The following IL20RA variants were observed in gnomAD, a reference collection of about 807,000 sequenced individuals.
IL20RA encodes interleukin 20 receptor subunit alpha.
IL20RA carries 29 observed loss-of-function variants against 36.5 expected under a neutral mutation model. The observed-to-expected ratio is 0.79, with a 90% CI of 0.59 to 1.08. IL20RA has a LOEUF of 1.08. IL20RA is among the 50% of genes least tolerant of loss of function. IL20RA has a pLI of 0.00. For missense variants in IL20RA, 652 were observed against 668.4 expected (o/e 0.98, Z 0.27); for synonymous variants, 279 against 267.1 (o/e 1.04, Z -0.43).
At position 137,000,566 on chromosome 6, in the gene IL20RA, C is replaced by T. The variant is rs554787187; in HGVS notation, c.*992G>A. The T allele has an allele frequency of 6.6e-6, 1 of 152,262 alleles. No individual in the cohort carries two copies. The highest frequency in any genetic ancestry group is 2.1e-4 in the South Asian group (1 of 4,820). The allele number at this position is 152,262 out of a possible 1,614,324, so 9.4% of individuals were successfully genotyped here. Reference sequence around the variant, plus strand: ...ATTTCATCAAATTTTAATAAACTCTCCCTTACATAGTCATTTAACTCATTT... The same window carrying T: ...ATTTCATCAAATTTTAATAAACTCTTCCTTACATAGTCATTTAACTCATTT... On this transcript the variant is annotated 3_prime_UTR_variant, in exon 7 of 7. Coordinates refer to ENST00000316649, the MANE Select transcript of IL20RA (RefSeq NM_014432.4).
intron 1 of IL20RA, among the ~76,000 whole-genome samples, chr6:137,027,212 A>G (rs1368610490): frequency 1.3e-5 from 2 of 152,172 alleles, no homozygotes; most frequent in East Asian, 1.9e-4. Context: ...AGCACTTACA[A>G]TATGATTCAG....
At chr6:137,017,573 A>T (rs1015443196) in intron 1 of IL20RA, among the ~76,000 whole-genome samples, 1 of 152,184 alleles carries the variant, frequency 6.6e-6, no homozygotes. Context: ...GTTTTAAACC[A>T]CTAAGTTTTG....
chr6:137,005,449 T>C (rs1165310654), intron 5 of IL20RA, among the ~76,000 whole-genome samples: 1 of 152,158 alleles, frequency 6.6e-6, no homozygotes, highest in Non-Finnish European at 1.5e-5. Flanking sequence ...GAAATCGTTT[T>C]AATAAAAGCA....
intron 1 of IL20RA, among the ~76,000 whole-genome samples, chr6:137,031,907 C>T (rs143748590): frequency 1.4e-3 from 207 of 151,306 alleles, no homozygotes; most frequent in Non-Finnish European, 2.6e-3. Context: ...AAAAATTAGT[C>T]GGTCGTGGCA....
chr6:137,008,982 A>G (rs1285135638), intron 4 of IL20RA: 5 of 526,930 alleles, frequency 9.5e-6, no homozygotes, highest in East Asian at 3.0e-5. Flanking sequence ...ACACATGGAT[A>G]GAGTTCTTAT....
chr6:137,022,471 T>C (rs1775938304), intron 1 of IL20RA, among the ~76,000 whole-genome samples: 1 of 152,222 alleles, frequency 6.6e-6, no homozygotes, highest in Non-Finnish European at 1.5e-5. Context: ...CCTTGGACTT[T>C]AGCTCTTTGT....
At chr6:137,008,864 GC>G in intron 4 of IL20RA, 121 bp from the exon 5 acceptor site, 1 of 193,228 alleles carries the variant, frequency 5.2e-6, no homozygotes, top group Non-Finnish European at 8.9e-6. Flanking sequence ...ATCAGTATAA[GC>G]TTTTTTTTTT....
chr6:137,013,679 T>C (rs1775571342), intron 2 of IL20RA, among the ~76,000 whole-genome samples: 1 of 152,194 alleles, frequency 6.6e-6, no homozygotes, highest in Non-Finnish European at 1.5e-5. Flanking sequence ...GTGGATAGAA[T>C]TTAAACTTTT....
intron 5 of IL20RA, among the ~76,000 whole-genome samples, 189 bp downstream of exon 5, chr6:137,008,410 G>A (rs1283768936): frequency 6.6e-6 from 1 of 152,240 alleles, no homozygotes; most frequent in East Asian, 1.9e-4. Flanking sequence ...GAACACTTCT[G>A]AACGTCGGCC....
intron 1 of IL20RA, among the ~76,000 whole-genome samples, chr6:137,029,019 A>G (rs1193171653): frequency 2.0e-5 from 3 of 152,198 alleles, no homozygotes; most frequent in Non-Finnish European, 4.4e-5. Context: ...GGATATTCTG[A>G]TCAGTGCGTG....
Position 137,044,660 on chromosome 6 carries a change from C to G in IL20RA, c.69G>C (p.Ala23=). 1 of 1,224,116 alleles carries G rather than the reference C, an allele frequency of 8.2e-7. No individual in the cohort carries two copies. The highest frequency in any genetic ancestry group is 1.0e-6 in the Non-Finnish European group (1 of 982,806). 75.8% of individuals were successfully genotyped at this position (1,224,116 alleles called of 1,614,324 possible). ...ACCTACCTGCCCGTCCCCAAGGCGC[C>G]GCCAGGAGCAACAGCAGCAGCGGCG... The part of the protein sequence containing the change: ...PLPPLLLLLL[A]APWGRAVPCV... Residue 23 remains alanine, a synonymous_variant, in exon 1 of 7, where the codon GCG becomes GCC. Coordinates refer to ENST00000316649, the MANE Select transcript of IL20RA (RefSeq NM_014432.4).
At chr6:137,030,871 G>C (rs1776253123) in intron 1 of IL20RA, among the ~76,000 whole-genome samples, 1 of 152,066 alleles carries the variant, frequency 6.6e-6, no homozygotes, top group Non-Finnish European at 1.5e-5. Flanking sequence ...GATCAGTACA[G>C]GGATAATTCA....
At chr6:137,025,658 G>A (rs181471150) in intron 1 of IL20RA, among the ~76,000 whole-genome samples, 1 of 152,256 alleles carries the variant, frequency 6.6e-6, no homozygotes, top group Non-Finnish European at 1.5e-5. Flanking sequence ...CATTAGTGGA[G>A]TTTTATAAAA....
At chr6:137,041,821 T>C (rs1327476096) in intron 1 of IL20RA, among the ~76,000 whole-genome samples, 2 of 151,582 alleles carry the variant, frequency 1.3e-5, no homozygotes, top group Non-Finnish European at 2.9e-5. Flanking sequence ...TTTAAATATA[T>C]ATATATATAT....
intron 1 of IL20RA, among the ~76,000 whole-genome samples, chr6:137,021,513 A>AAAC (rs1469763222): frequency 1.3e-4 from 7 of 54,980 alleles, no homozygotes; most frequent in African/African-American, 2.0e-4. Flanking sequence ...AAAAAAAAAA[A>AAAC]AACACAAGAA....
At chr6:137,007,897 T>C (rs1744066) in intron 5 of IL20RA, among the ~76,000 whole-genome samples, 139,245 of 152,278 alleles carry the variant, frequency 0.91, 64,848 homozygotes, top group East Asian at 1. Flanking sequence ...TTTAGAATAA[T>C]GCTTTGTTTC....
chr6:137,014,623 T>C (rs1290961267), intron 2 of IL20RA, among the ~76,000 whole-genome samples: 1 of 152,208 alleles, frequency 6.6e-6, no homozygotes, highest in African/African-American at 2.4e-5. Flanking sequence ...GAGAGGTTAA[T>C]TATTAAAATA....
rs910083515 is a variant in IL20RA, at chr6:137,044,735, C to G, written c.-7G>C. On this transcript the variant is annotated 5_prime_UTR_variant, in exon 1 of 7. Coordinates refer to ENST00000316649, the MANE Select transcript of IL20RA (RefSeq NM_014432.4). ...GGCGGCCGGGAGCCCGCATGGGCGG[C>G]GGGGCTGGGTCACATGTCGGGGGGC... 2.9e-5 allele frequency: 35 copies of G among 1,216,492 alleles called. No homozygotes were observed. Among genetic ancestry groups the G allele is most frequent in the Non-Finnish European group, 3.5e-5 (34 of 978,606 alleles). 75.4% of individuals were successfully genotyped at this position (1,216,492 alleles called of 1,614,324 possible). A position where few individuals can be genotyped will look rare whatever the true frequency, so the allele number is the denominator to read the frequency against.
At position 137,004,159 on chromosome 6, in the gene IL20RA, C is replaced by CGTTTTTTTTTTTTTTTTTTTTTTTTTTT. The variant is rs531501235; in HGVS notation, c.864+461_864+462insAAAAAAAAAAAAAAAAAAAAAAAAAAAC. Among the ~76,000 whole-genome samples the CGTTTTTTTTTTTTTTTTTTTTTTTTTTT allele has an allele frequency of 1.6e-4, 14 of 88,014 alleles. 7 individuals are homozygous for CGTTTTTTTTTTTTTTTTTTTTTTTTTTT. Among genetic ancestry groups the CGTTTTTTTTTTTTTTTTTTTTTTTTTTT allele is most frequent in the South Asian group, 7.5e-4 (2 of 2,664 alleles). 57.7% of individuals were successfully genotyped at this position (88,014 alleles called of 152,430 possible). A position where few individuals can be genotyped will look rare whatever the true frequency, so the allele number is the denominator to read the frequency against. On this transcript the variant is annotated intron_variant, in intron 6 of 6. Coordinates refer to ENST00000316649, the MANE Select transcript of IL20RA (RefSeq NM_014432.4). ...TCTGTTAGTCAGCTAATCCAGAAAG[C>CGTTTTTTTTTTTTTTTTTTTTTTTTTTT]TTTTTTTTTTTTTTTTTTTTTTTTT...
Sources: gnomAD v4.1 joint callset for allele counts (sites outside exome capture counted in the v4.1 genomes callset) on GRCh38, gnomAD v4.1.1 for gene constraint, MANE v1.5 for transcripts, NCBI Gene and HGNC (gene_info 2026-07-23, HGNC 2026-07-21) for gene names.